Variants in RP1 observed in about 807,000 individuals in gnomAD.
RP1 encodes RP1 axonemal microtubule associated.
RP1 carries 16 observed loss-of-function variants against 14.8 expected under a neutral mutation model. That is an observed-to-expected ratio of 1.08 (90% CI 0.73 to 1.65). RP1 has a LOEUF of 1.65. RP1 is among the 40% of genes most tolerant of loss of function. The pLI, the probability that RP1 is intolerant of heterozygous loss-of-function variation, is 0.00. For synonymous variants in RP1, 876 were observed against 883.6 expected, an observed-to-expected ratio of 0.99 and a Z score of 0.15; for missense variants, 2,631 against 2,535.0, an observed-to-expected ratio of 1.04 and a Z score of -0.81.
In RP1 at chr8:54,857,181, C is replaced by T. The variant is rs1585752147; in HGVS notation, c.4069+75C>T. 3.6e-5 allele frequency: 16 copies of T among 444,770 alleles called. No individual in the cohort carries two copies. In the East Asian group the frequency reaches 5.9e-4, roughly 16 times the overall value. 27.6% of individuals were successfully genotyped at this position (444,770 alleles called of 1,614,324 possible). ...ATCGTATAAGAAGCAGGTGAAAGAA[C>T]AGGAAAATGTACAGGTCATATAAAA... On this transcript the variant is annotated intron_variant, in intron 27 of 28. Coordinates refer to the RP1 transcript ENST00000637698.
chr8:54,818,254 C>T (rs1451528673), intron 24 of RP1, among the ~76,000 whole-genome samples: 4 of 152,164 alleles, frequency 2.6e-5, no homozygotes, highest in Admixed American at 6.5e-5. Flanking sequence ...CTCAAACTGG[C>T]TACTTTAGCT....
Position 54,629,746 on chromosome 8 carries a change from T to C in RP1, c.5864T>C (p.Ile1955Thr), listed in dbSNP as rs760507276. The change falls in exon 4 of 4, where the codon ATA (isoleucine) becomes ACA (threonine). Residue 1955 changes from isoleucine to threonine, a missense_variant. Physicochemically the swap from Ile to Thr is moderately conservative, Grantham distance 89 (BLOSUM62 -1). Coordinates refer to ENST00000220676, the MANE Select transcript of RP1 (RefSeq NM_006269.2). ...TTGGGTTTTTATTTATGGATGAAAA[T>C]ACACCCATATTTACTTCAGACAGAC... ...NFLGFYLWMK[I>T]HPYLLQTDKN... 6.2e-7 allele frequency: 1 copy of C among 1,611,190 alleles called. No homozygotes were observed. Among genetic ancestry groups the C allele is most frequent in the Non-Finnish European group, 8.5e-7 (1 of 1,178,566 alleles).
intron 24 of RP1, among the ~76,000 whole-genome samples, chr8:54,809,007 G>T (rs1810926234): frequency 6.6e-6 from 1 of 152,204 alleles, no homozygotes; most frequent in African/African-American, 2.4e-5. Context: ...GAAGCTAAAA[G>T]CTCTAGTTCT....
intron 25 of RP1, among the ~76,000 whole-genome samples, chr8:54,847,834 G>C (rs1465617022): frequency 6.6e-6 from 1 of 152,216 alleles, no homozygotes; most frequent in Non-Finnish European, 1.5e-5. Flanking sequence ...GGACAGCTAA[G>C]TAGCCCGCAC....
chr8:54,649,789 A>C (rs1806620105), intron 4 of RP1, among the ~76,000 whole-genome samples: 1 of 152,194 alleles, frequency 6.6e-6, no homozygotes, highest in African/African-American at 2.4e-5. Flanking sequence ...ATGAAAAAAG[A>C]GTCTCCTTAA....
chr8:54,725,802 A>T (rs781314219), intron 16 of RP1, among the ~76,000 whole-genome samples: 2 of 152,212 alleles, frequency 1.3e-5, no homozygotes, highest in African/African-American at 2.4e-5. Flanking sequence ...ACTTAGGAGC[A>T]TATACTATAA....
chr8:54,559,975 T>G (rs1804248866), intron 1 of RP1, among the ~76,000 whole-genome samples: 1 of 152,222 alleles, frequency 6.6e-6, no homozygotes, highest in Non-Finnish European at 1.5e-5. Flanking sequence ...ATGATATTAA[T>G]TTTTCATATT....
At chr8:54,781,591 G>T (rs868215618) in intron 23 of RP1, among the ~76,000 whole-genome samples, 1 of 152,082 alleles carries the variant, frequency 6.6e-6, no homozygotes, top group African/African-American at 2.4e-5. Flanking sequence ...ATTTCATAGG[G>T]CAGTGGAACT....
intron 19 of RP1, among the ~76,000 whole-genome samples, chr8:54,742,789 G>A (rs938812732): frequency 6.6e-5 from 10 of 152,170 alleles, no homozygotes; most frequent in Admixed American, 5.9e-4. Flanking sequence ...TGAGTTAAGT[G>A]GGCCTGAAGT....
chr8:54,744,499 C>T (rs62514651), intron 19 of RP1, among the ~76,000 whole-genome samples: 46,412 of 152,068 alleles, frequency 0.31, 8,414 homozygotes, highest in Middle Eastern at 0.47. Context: ...TCCTTGTGTT[C>T]GAAGGATGAT....
At chr8:54,712,313 C>T (rs1808309649) in intron 15 of RP1, among the ~76,000 whole-genome samples, 1 of 152,152 alleles carries the variant, frequency 6.6e-6, no homozygotes, top group African/African-American at 2.4e-5. Flanking sequence ...TTCTCATTTC[C>T]TTCAGCTTAA....
chr8:54,580,716 T>A (rs1261147201), intron 1 of RP1, among the ~76,000 whole-genome samples: 1 of 151,564 alleles, frequency 6.6e-6, no homozygotes, highest in African/African-American at 2.4e-5. Context: ...CCTCCTGGGT[T>A]CAAGTGATTC....
At chr8:54,592,958 A>T (rs947352406) in intron 1 of RP1, among the ~76,000 whole-genome samples, 1 of 152,172 alleles carries the variant, frequency 6.6e-6, no homozygotes, top group African/African-American at 2.4e-5. Flanking sequence ...GTCTAAACCG[A>T]TCAGCTGGCC....
intron 1 of RP1, among the ~76,000 whole-genome samples, chr8:54,594,673 C>A (rs1210925819): frequency 6.6e-6 from 1 of 152,084 alleles, no homozygotes; most frequent in African/African-American, 2.4e-5. Context: ...TGTATTCATT[C>A]TTTTCTTTCA....
chr8:54,767,470 C>T (rs1809789568), intron 22 of RP1, among the ~76,000 whole-genome samples: 1 of 151,972 alleles, frequency 6.6e-6, no homozygotes, highest in Admixed American at 6.6e-5. Context: ...AGTGATTCTC[C>T]TGCCTCAGCC....
At chr8:54,840,572 C>T (rs568124775) in intron 25 of RP1, among the ~76,000 whole-genome samples, 7 of 143,986 alleles carry the variant, frequency 4.9e-5, no homozygotes, top group South Asian at 4.4e-4. Flanking sequence ...TTACCTCTAT[C>T]GGAGCACATT....
intron 7 of RP1, among the ~76,000 whole-genome samples, chr8:54,672,233 G>A (rs1807196213): frequency 6.6e-6 from 1 of 152,126 alleles, no homozygotes. Context: ...TTCTGCCATG[G>A]CTCCAAGTCA....
At chr8:54,760,196 C>A (rs530417313) in intron 22 of RP1, among the ~76,000 whole-genome samples, 31 of 152,300 alleles carry the variant, frequency 2.0e-4, no homozygotes, top group African/African-American at 7.5e-4. Flanking sequence ...TCATTAAATT[C>A]AGTCAATTCC....
At chr8:54,672,829 T>C (rs1478563575) in intron 7 of RP1, among the ~76,000 whole-genome samples, 1 of 152,172 alleles carries the variant, frequency 6.6e-6, no homozygotes, top group Non-Finnish European at 1.5e-5. Context: ...TCTTAACGAG[T>C]ATGTCAGCAT....
Sources: allele counts gnomAD v4.1 joint callset (sites outside exome capture counted in the v4.1 genomes callset), GRCh38; gene constraint gnomAD v4.1.1; transcripts MANE v1.5; gene names NCBI Gene and HGNC (gene_info 2026-07-23, HGNC 2026-07-21).